Variants in NBEAL1 observed in about 807,000 individuals in gnomAD.
The protein encoded by NBEAL1 is neurobeachin like 1.
In NBEAL1, 273 loss-of-function variants were observed where a neutral mutation model predicts 351.3. That is an observed-to-expected ratio of 0.78 (90% CI 0.70 to 0.86). The LOEUF (loss-of-function observed/expected upper bound fraction) is 0.86, where lower values mean the gene tolerates loss of function less well. Ranked by LOEUF, NBEAL1 falls within the 40% of genes least tolerant of loss-of-function variation. The pLI is 0.00. For synonymous variants in NBEAL1, 1,050 were observed against 1,086.4 expected, an observed-to-expected ratio of 0.97 and a Z score of 0.66; for missense variants, 2,961 against 3,201.3, an observed-to-expected ratio of 0.92 and a Z score of 1.81.
chr2:203,149,400 A>G (rs1164362761), intron 34 of NBEAL1, among the ~76,000 whole-genome samples: 1 of 152,076 alleles, frequency 6.6e-6, no homozygotes, highest in Non-Finnish European at 1.5e-5. Context: ...AGACTCTTAG[A>G]GAGTGTTAAA....
intron 36 of NBEAL1, 144 bp downstream of exon 36, chr2:203,157,969 A>T (rs2063841182): frequency 3.4e-6 from 2 of 581,926 alleles, no homozygotes. Flanking sequence ...TATCAGTATT[A>T]ACTGAGATTA....
chr2:203,055,376 G>C lies in NBEAL1; in HGVS notation c.306-1051G>C, dbSNP rs369982085. 5.3e-5 allele frequency among the ~76,000 whole-genome samples: 8 copies of C among 152,270 alleles called. No individual in the cohort carries two copies. The East Asian group carries it at 1.5e-3, about 29-fold the overall frequency. ...CCAGACCTTTGGGAGGCTGAGGCAGGAGGATTGCTTGAGCCCAGGAGTTCA... is the reference window on the plus strand; with the variant it reads ...CCAGACCTTTGGGAGGCTGAGGCAGCAGGATTGCTTGAGCCCAGGAGTTCA... On this transcript the variant is annotated intron_variant, in intron 4 of 55. Coordinates refer to ENST00000683969, the MANE Select transcript of NBEAL1 (RefSeq NM_001378026.1).
intron 24 of NBEAL1, among the ~76,000 whole-genome samples, chr2:203,129,151 A>G (rs2063014925): frequency 6.6e-6 from 1 of 152,336 alleles, no homozygotes; most frequent in East Asian, 1.9e-4. Context: ...AACCACTGCT[A>G]TAACATATAC....
chr2:203,193,944 T>C, intron 47 of NBEAL1, 33 bp downstream of exon 47: 1 of 1,213,596 alleles, frequency 8.2e-7, no homozygotes, highest in Non-Finnish European at 1.2e-6. Context: ...CAAAAAGAGT[T>C]TTCTCTAAAT....
At position 203,197,357 on chromosome 2, in the gene NBEAL1, G is replaced by T; in HGVS notation, c.7094G>T (p.Arg2365Leu). Residue 2365 changes from arginine (R) to leucine (L), a missense_variant, in exon 48 of 56, where the codon CGT becomes CTT. Physicochemically the swap from Arg to Leu is moderately radical, Grantham distance 102 (BLOSUM62 -2). Coordinates refer to ENST00000683969, the MANE Select transcript of NBEAL1 (RefSeq NM_001378026.1). ...LKATIPKNQY[R>L]SFMSQGSPEL... is the part of the protein sequence containing the mutation. The stretch of plus-strand genomic sequence containing the variant: ...GCCACCATCCCCAAAAATCAGTATC[G>T]TTCTTTTATGTCTCAAGGCAGCCCT... The T allele has an allele frequency of 1.2e-6, 2 of 1,603,680 alleles. No homozygotes were observed. Among genetic ancestry groups the T allele is most frequent in the South Asian group, 2.2e-5 (2 of 90,850 alleles).
At chr2:203,158,690 AT>A in intron 36 of NBEAL1, among the ~76,000 whole-genome samples, 2 of 152,226 alleles carry the variant, frequency 1.3e-5, no homozygotes, top group Admixed American at 1.3e-4. Flanking sequence ...TGTTTGCTAC[AT>A]AATTATCAAG....
intron 34 of NBEAL1, among the ~76,000 whole-genome samples, chr2:203,151,150 G>A (rs1208240308): frequency 2.0e-5 from 3 of 152,088 alleles, no homozygotes; most frequent in Admixed American, 2.0e-4. Flanking sequence ...GACCAACATG[G>A]CAAAACCCCA....
intron 10 of NBEAL1, chr2:203,084,850 T>C (rs2061935080): frequency 4.6e-6 from 1 of 218,468 alleles, no homozygotes; most frequent in African/African-American, 2.3e-5. Context: ...TGAGGCCCTT[T>C]AAGTAATTAG....
At chr2:203,075,761 G>GGAT (rs1376740649) in intron 7 of NBEAL1, among the ~76,000 whole-genome samples, 1 of 152,184 alleles carries the variant, frequency 6.6e-6, no homozygotes, top group African/African-American at 2.4e-5. Flanking sequence ...TCTCCAAACA[G>GGAT]GAATCTGTGG....
rs749105007 is a variant in NBEAL1, at chr2:203,208,711, C to G, written c.7581C>G (p.Val2527=). 1 of 1,612,232 alleles carries G rather than the reference C, an allele frequency of 6.2e-7. No homozygotes were observed. ...GACACACCAACGAGGTACTGAGTGT[C>G]GGCATCAGCACTGAGCTAGACATGG... The part of the protein sequence containing the change: ...LYGHTNEVLS[V]GISTELDMAV... Residue 2527 remains valine (V), a synonymous_variant, in exon 52 of 56, where the codon GTC becomes GTG. Coordinates refer to ENST00000683969, the MANE Select transcript of NBEAL1 (RefSeq NM_001378026.1).
At chr2:203,086,659 C>G (rs1288088943) in intron 10 of NBEAL1, among the ~76,000 whole-genome samples, 1 of 152,136 alleles carries the variant, frequency 6.6e-6, no homozygotes, top group African/African-American at 2.4e-5. Context: ...CTCAGCCCCC[C>G]AAATAGCTGG....
rs2062501969 is a variant in NBEAL1 at position 203,108,972 on chromosome 2, G to T, written c.1949+784G>T. On this transcript the variant is annotated intron_variant, in intron 14 of 55. Transcript: ENST00000683969. ...TGAAAGGATCACTTCAGCTCAGGAA[G>T]TTGAAGCTACAGTGAGCTGTGATTG... 1.3e-5 allele frequency among the ~76,000 whole-genome samples: 2 copies of T among 152,070 alleles called. 1 individual carries two copies. The highest frequency in any genetic ancestry group is 4.1e-4 in the South Asian group (2 of 4,830).
intron 23 of NBEAL1, 137 bp from the exon 24 acceptor site, chr2:203,127,644 C>T: frequency 4.5e-6 from 2 of 448,154 alleles, no homozygotes; most frequent in Non-Finnish European, 8.2e-6. Flanking sequence ...ATCGCTTGAA[C>T]CCAGAAGGCA....
chr2:203,083,976 CTGTGTGTGTGTGTGTG>C (rs59252809), intron 9 of NBEAL1, among the ~76,000 whole-genome samples: 126 of 134,196 alleles, frequency 9.4e-4, no homozygotes, highest in African/African-American at 3.1e-3. Flanking sequence ...TCCTCAGAGC[CTGTGTGTGTGTGTGTG>C]TGTGTGTGTG....
In NBEAL1 at chr2:203,111,842, G is replaced by A. The variant is rs2062579721; in HGVS notation, c.2083-137G>A. 8.1e-6 allele frequency: 8 copies of A among 989,402 alleles called. No homozygotes were observed. In the South Asian group the frequency reaches 1.5e-4, roughly 18 times the overall value. 61.3% of individuals were successfully genotyped at this position (989,402 alleles called of 1,614,324 possible). A position where few individuals can be genotyped will look rare whatever the true frequency, so the allele number is the denominator to read the frequency against. ...ACTATGGAAAAAATTGTTACTTTGAGAACATCAATTTAACATTTACGTTTA... is the reference window on the plus strand; with the variant it reads ...ACTATGGAAAAAATTGTTACTTTGAAAACATCAATTTAACATTTACGTTTA... On this transcript the variant is annotated intron_variant, in intron 15 of 55. Transcript: ENST00000683969.
chr2:203,194,219 ATAATT>A (rs2065174377), intron 47 of NBEAL1, among the ~76,000 whole-genome samples: 1 of 152,188 alleles, frequency 6.6e-6, no homozygotes, highest in Non-Finnish European at 1.5e-5. Context: ...GATGGAGATA[ATAATT>A]TAATAGCTCT....
intron 19 of NBEAL1, among the ~76,000 whole-genome samples, chr2:203,124,354 A>G (rs1325733019): frequency 6.6e-6 from 1 of 152,170 alleles, no homozygotes; most frequent in African/African-American, 2.4e-5. Context: ...GAAAAACCCA[A>G]CAAAGTAGCA....
intron 12 of NBEAL1, among the ~76,000 whole-genome samples, chr2:203,103,546 A>G (rs960570630): frequency 2.0e-5 from 3 of 152,180 alleles, no homozygotes; most frequent in African/African-American, 7.2e-5. Context: ...TGCTGGGATC[A>G]CAGATGTGAG....
Position 203,193,804 on chromosome 2 carries a change from C to A in NBEAL1, c.6931C>A (p.Pro2311Thr). Residue 2311 changes from proline to threonine, a missense_variant, in exon 47 of 56, where the codon CCT becomes ACT. By Grantham distance (38) the Pro-to-Thr change is conservative. Transcript: ENST00000683969. ...TAAAATTATTTTGAAGGAACCACAC[C>A]CTCCAAGATTATCAGCAGAAGAAGC... Reference protein sequence around the residue: ...TPCQLLKEPHPPRLSAEEAVQ... With the variant: ...TPCQLLKEPHTPRLSAEEAVQ... 2 of 1,607,758 alleles carry A rather than the reference C, an allele frequency of 1.2e-6. No individual in the cohort carries two copies. Among genetic ancestry groups the A allele is most frequent in the Non-Finnish European group, 1.7e-6 (2 of 1,176,554 alleles).
Sources: gnomAD v4.1 joint callset for allele counts (sites outside exome capture counted in the v4.1 genomes callset) on GRCh38, gnomAD v4.1.1 for gene constraint, MANE v1.5 for transcripts, NCBI Gene and HGNC (gene_info 2026-07-23, HGNC 2026-07-21) for gene names.